Variants in CREM observed in about 807,000 individuals in gnomAD.
The protein encoded by CREM is cAMP responsive element modulator.
Under a neutral mutation model 37.3 loss-of-function variants are expected in CREM, and 13 were observed. The observed-to-expected ratio is 0.35, with a 90% CI of 0.23 to 0.55. The LOEUF is 0.55. Ranked by LOEUF, CREM falls within the 20% of genes least tolerant of loss-of-function variation. The probability of loss-of-function intolerance (pLI) is 0.88; values close to 1 mark genes in which losing one functional copy is unlikely to be tolerated. For missense variants in CREM, 296 were observed against 362.3 expected (o/e 0.82, Z 1.49); for synonymous variants, 124 against 120.2 (o/e 1.03, Z -0.21).
At chr10:35,178,086 A>T (rs1384566183) in intron 3 of CREM, among the ~76,000 whole-genome samples, 2 of 152,160 alleles carry the variant, frequency 1.3e-5, no homozygotes, top group African/African-American at 4.8e-5. Context: ...TTCCCATGTA[A>T]TTATAATATG....
Position 35,206,929 on chromosome 10 carries a change from A to G in CREM, c.633A>G (p.Arg211=), listed in dbSNP as rs983731338. The G allele has an allele frequency of 2.5e-5, 41 of 1,613,884 alleles. No individual in the cohort carries two copies. Among genetic ancestry groups the G allele is most frequent in the Non-Finnish European group, 3.5e-5 (41 of 1,179,980 alleles). The change falls in exon 7 of 8, where the codon CGA becomes CGG. Residue 211 remains arginine, a synonymous_variant. Coordinates refer to ENST00000685392, the MANE Select transcript of CREM (RefSeq NM_183011.2). The part of the protein sequence containing the change: ...ATGDMPTYQI[R]APTAALPQGV... ...GTGACATGCCAACTTACCAGATCCGAGCTCCTACTGCTGCTTTGCCACAGG... is the reference window on the plus strand; with the variant it reads ...GTGACATGCCAACTTACCAGATCCGGGCTCCTACTGCTGCTTTGCCACAGG...
intron 3 of CREM, among the ~76,000 whole-genome samples, chr10:35,177,136 G>A (rs900336010): frequency 2.0e-5 from 3 of 151,994 alleles, no homozygotes; most frequent in Admixed American, 6.6e-5. Context: ...TCCTTTTCTT[G>A]CGTGTTCAAG....
chr10:35,211,827 G>A lies in CREM; in HGVS notation c.*429G>A, dbSNP rs1441761576. The stretch of plus-strand genomic sequence containing the variant: ...AGAAATATTTAACTATGAACTGAAG[G>A]CAGCATGTATAGTTGCTTTTGAAGG... On this transcript the variant is annotated 3_prime_UTR_variant, in exon 8 of 8. Coordinates refer to ENST00000685392, the MANE Select transcript of CREM (RefSeq NM_183011.2). The A allele has an allele frequency of 1.8e-5, 29 of 1,585,290 alleles. No individual in the cohort carries two copies. The African/African-American group carries it at 2.9e-4, about 16-fold the overall frequency.
intron 1 of CREM, among the ~76,000 whole-genome samples, chr10:35,136,489 GT>G (rs2090540321): frequency 6.6e-6 from 1 of 152,122 alleles, no homozygotes. Flanking sequence ...TCTGCTTTTT[GT>G]TCCTCTTGTG....
intron 2 of CREM, among the ~76,000 whole-genome samples, chr10:35,147,714 A>G (rs550875862): frequency 4.1e-4 from 63 of 152,368 alleles, no homozygotes; most frequent in Admixed American, 2.0e-3. Context: ...TGTAAAATAG[A>G]AAACCTAATT....
chr10:35,138,536 T>C (rs931687922), intron 2 of CREM, among the ~76,000 whole-genome samples: 2 of 150,564 alleles, frequency 1.3e-5, no homozygotes, highest in African/African-American at 4.9e-5. Flanking sequence ...ATTTTTTTTT[T>C]TTTTTTTTTG....
intron 6 of CREM, among the ~76,000 whole-genome samples, chr10:35,206,095 A>G (rs1588878541): frequency 1.3e-5 from 2 of 151,302 alleles, no homozygotes; most frequent in Non-Finnish European, 3.0e-5. Context: ...AAAAATACAA[A>G]AAATTAGCCA....
intron 3 of CREM, among the ~76,000 whole-genome samples, chr10:35,176,353 G>A (rs1280994888): frequency 1.3e-5 from 2 of 151,522 alleles, no homozygotes; most frequent in Non-Finnish European, 1.5e-5. Context: ...GAAGATGTGT[G>A]ATAAACACAG....
At chr10:35,206,597 C>T (rs1588889077) in intron 6 of CREM, among the ~76,000 whole-genome samples, 1 of 152,132 alleles carries the variant, frequency 6.6e-6, no homozygotes, top group African/African-American at 2.4e-5. Flanking sequence ...TATTAGCACA[C>T]CACTGACTTT....
intron 3 of CREM, chr10:35,158,778 T>A (rs1250882307): frequency 6.6e-6 from 1 of 151,022 alleles, no homozygotes; most frequent in African/African-American, 2.4e-5. Flanking sequence ...CTCCACTTTT[T>A]GGAGAGTAGC....
At chr10:35,206,592 G>A (rs2095530053) in intron 6 of CREM, among the ~76,000 whole-genome samples, 1 of 152,110 alleles carries the variant, frequency 6.6e-6, no homozygotes, top group Admixed American at 6.6e-5. Context: ...ATATTTATTA[G>A]CACACCACTG....
intron 6 of CREM, among the ~76,000 whole-genome samples, chr10:35,199,103 A>G (rs1385301363): frequency 6.6e-6 from 1 of 152,130 alleles, no homozygotes; most frequent in Non-Finnish European, 1.5e-5. Context: ...GAGCTGAGAT[A>G]GTGCCATTGC....
intron 2 of CREM, among the ~76,000 whole-genome samples, chr10:35,141,716 C>A (rs1488824236): frequency 1.3e-5 from 2 of 152,090 alleles, no homozygotes; most frequent in Non-Finnish European, 2.9e-5. Flanking sequence ...GGGTTTAAAT[C>A]TGGCACTTGA....
intron 3 of CREM, among the ~76,000 whole-genome samples, chr10:35,151,404 A>G (rs7079389): frequency 0.34 from 51,311 of 151,846 alleles, 8,676 homozygotes; most frequent in South Asian, 0.35. Flanking sequence ...ATGTCACCCA[A>G]GCTGGAATGC....
intron 1 of CREM, among the ~76,000 whole-genome samples, chr10:35,133,282 A>G (rs868231014): frequency 4.0e-5 from 6 of 151,766 alleles, no homozygotes; most frequent in African/African-American, 1.2e-4. Context: ...AGTTATCTCC[A>G]ATTGTAATAT....
chr10:35,206,920 C>A lies in CREM; in HGVS notation c.624C>A (p.Tyr208Ter). The stretch of plus-strand genomic sequence containing the variant: ...CTGCCACTGGTGACATGCCAACTTA[C>A]CAGATCCGAGCTCCTACTGCTGCTT... ...VQAATGDMPT[Y>*]QIRAPTAALP... Residue 208 changes from tyrosine (Y) to a stop codon, truncating the protein, a stop_gained, in exon 7 of 8, where the codon TAC becomes TAA. Coordinates refer to ENST00000685392, the MANE Select transcript of CREM (RefSeq NM_183011.2). LOFTEE classifies it high-confidence loss of function. The A allele has an allele frequency of 6.2e-7, 1 of 1,613,822 alleles. No homozygotes were observed. The highest frequency in any genetic ancestry group is 8.5e-7 in the Non-Finnish European group (1 of 1,179,960).
intron 3 of CREM, among the ~76,000 whole-genome samples, chr10:35,150,311 G>T (rs1451909339): frequency 1.3e-5 from 2 of 151,904 alleles, no homozygotes; most frequent in East Asian, 3.9e-4. Flanking sequence ...TTACAGGTGT[G>T]AGCTTCTTGT....
At chr10:35,193,335 A>G (rs1392918196) in intron 6 of CREM, among the ~76,000 whole-genome samples, 1 of 152,216 alleles carries the variant, frequency 6.6e-6, no homozygotes, top group Non-Finnish European at 1.5e-5. Context: ...GCAGTAATCA[A>G]CTAAGCAACC....
chr10:35,192,474 G>A (rs377061505), intron 6 of CREM, among the ~76,000 whole-genome samples: 3 of 152,028 alleles, frequency 2.0e-5, no homozygotes, highest in East Asian at 1.9e-4. Flanking sequence ...TCAGCTTCCC[G>A]AGTAGCTGGG....
Sources: gnomAD v4.1 joint callset for allele counts (sites outside exome capture counted in the v4.1 genomes callset) on GRCh38, gnomAD v4.1.1 for gene constraint, MANE v1.5 for transcripts, NCBI Gene and HGNC (gene_info 2026-07-23, HGNC 2026-07-21) for gene names.